The following PCDHA7 variants were observed in gnomAD, a reference collection of about 807,000 sequenced individuals.
PCDHA7 encodes protocadherin alpha-7.
In PCDHA7, 37 loss-of-function variants were observed where a neutral mutation model predicts 57.2. The observed-to-expected ratio is 0.65, with a 90% CI of 0.50 to 0.85. PCDHA7 has a LOEUF of 0.85. Among genes scored for constraint, PCDHA7 ranks in the 40% least tolerant of loss-of-function variants. PCDHA7 has a pLI of 0.00. For missense variants in PCDHA7, 1,188 were observed against 1,241.8 expected, an observed-to-expected ratio of 0.96 and a Z score of 0.65; for synonymous variants, 553 against 558.8, an observed-to-expected ratio of 0.99 and a Z score of 0.15.
Position 140,941,473 on chromosome 5 carries a change from G to A in PCDHA7, c.2356-37476G>A, listed in dbSNP as rs192163900. Among the ~76,000 whole-genome samples, 149 of 151,018 alleles carry A rather than the reference G, an allele frequency of 9.9e-4. 1 individual carries two copies. Among genetic ancestry groups the A allele is most frequent in the African/African-American group, 3.5e-3 (143 of 41,138 alleles). Reference sequence around the variant, plus strand: ...TGGGATTACAGGCGCCCACCACCACGCCTGGCTAATTTTTTGTATTTTTAG... The same window carrying A: ...TGGGATTACAGGCGCCCACCACCACACCTGGCTAATTTTTTGTATTTTTAG... On this transcript the variant is annotated intron_variant, in intron 1 of 3. Coordinates refer to ENST00000525929, the MANE Select transcript of PCDHA7 (RefSeq NM_018910.3).
chr5:140,857,980 G>A (rs2045073152), intron 1 of PCDHA7: 1 of 1,597,100 alleles, frequency 6.3e-7, no homozygotes, highest in Non-Finnish European at 8.6e-7. Context: ...CGCCACGCCA[G>A]CGCCTACTGG....
chr5:140,850,934 T>G (rs2150502964), intron 1 of PCDHA7: 2 of 1,514,156 alleles, frequency 1.3e-6, no homozygotes, highest in African/African-American at 1.4e-5. Flanking sequence ...TTTTTTTTCT[T>G]GAAAGATATT....
At chr5:140,845,856 G>A (rs1378548542) in intron 1 of PCDHA7, among the ~76,000 whole-genome samples, 1 of 149,684 alleles carries the variant, frequency 6.7e-6, no homozygotes, top group Non-Finnish European at 1.5e-5. Flanking sequence ...AGAAGTTAGT[G>A]ATTGCAGAAA....
intron 1 of PCDHA7, chr5:140,870,430 G>A: frequency 6.2e-7 from 1 of 1,614,226 alleles, no homozygotes; most frequent in Non-Finnish European, 8.5e-7. Context: ...GGTATCCGTG[G>A]AGGTGGCCGA....
chr5:141,004,591 A>G (rs1277305361), intron 3 of PCDHA7, among the ~76,000 whole-genome samples: 3 of 152,222 alleles, frequency 2.0e-5, no homozygotes, highest in Non-Finnish European at 2.9e-5. Context: ...TCTCCAGATG[A>G]CAGTGCTTAG....
At position 141,010,421 on chromosome 5, in the gene PCDHA7, A is replaced by T. The variant is rs1486731012; in HGVS notation, c.*484A>T. The T allele has an allele frequency of 8.7e-7, 1 of 1,148,142 alleles. No homozygotes were observed. Among genetic ancestry groups the T allele is most frequent in the Admixed American group, 2.9e-5 (1 of 34,726 alleles). The allele number at this position is 1,148,142 out of a possible 1,614,324, so 71.1% of individuals were successfully genotyped here. A position where few individuals can be genotyped will look rare whatever the true frequency, so the allele number is the denominator to read the frequency against. ...CAGCTTAGACTAATTGGTACAAGGAAGGCAAGAAAACAAAGACAAATAAAC... is the reference window on the plus strand; with the variant it reads ...CAGCTTAGACTAATTGGTACAAGGATGGCAAGAAAACAAAGACAAATAAAC... On this transcript the variant is annotated 3_prime_UTR_variant, in exon 4 of 4. Coordinates refer to ENST00000525929, the MANE Select transcript of PCDHA7 (RefSeq NM_018910.3).
intron 1 of PCDHA7, chr5:140,875,344 A>G: frequency 1.4e-6 from 2 of 1,442,996 alleles, no homozygotes; most frequent in East Asian, 2.5e-5. Context: ...TCGACTCCAT[A>G]ATGACTGTGA....
At position 140,836,283 on chromosome 5, in the gene PCDHA7, A is replaced by T. The variant is rs2150256812; in HGVS notation, c.1900A>T (p.Thr634Ser). 6.2e-7 allele frequency: 1 copy of T among 1,613,716 alleles called. No homozygotes were observed. The highest frequency in any genetic ancestry group is 1.1e-5 in the South Asian group (1 of 91,072). Residue 634 changes from threonine (T) to serine (S), a missense_variant, in exon 1 of 4, where the codon ACA becomes TCA. Physicochemically the swap from Thr to Ser is moderately conservative, Grantham distance 58 (BLOSUM62 1). This residue lies in a region of PCDHA7 where 892 missense variants were observed against 788.5 expected (regional missense o/e 1.13). Coordinates refer to ENST00000525929, the MANE Select transcript of PCDHA7 (RefSeq NM_018910.3). ...GCTGTACACTGGTGAGATCAGCACG[A>T]CACGAGCCCTAGATGAGACGGACGC... The part of the protein sequence containing the change: ...VGLYTGEIST[T>S]RALDETDAPR...
chr5:140,858,889 AT>A (rs2045644235), intron 1 of PCDHA7: 2 of 236,178 alleles, frequency 8.5e-6, no homozygotes, highest in African/African-American at 2.4e-5. Context: ...CATGTGTAGA[AT>A]ATGTGTAGCG....
intron 2 of PCDHA7, among the ~76,000 whole-genome samples, chr5:140,981,701 C>A (rs546149642): frequency 5.3e-5 from 8 of 152,268 alleles, no homozygotes; most frequent in African/African-American, 1.9e-4. Context: ...TTCATTCATT[C>A]ATTCATTCAT....
chr5:140,884,410 G>T, intron 1 of PCDHA7: 1 of 1,614,008 alleles, frequency 6.2e-7, no homozygotes, highest in South Asian at 1.1e-5. Context: ...TGGTGCTCAC[G>T]TTGCTGCTGT....
At chr5:140,948,957 C>G (rs1338643900) in intron 1 of PCDHA7, among the ~76,000 whole-genome samples, 2 of 151,542 alleles carry the variant, frequency 1.3e-5, no homozygotes, top group Admixed American at 1.3e-4. Context: ...AAATTAAAGC[C>G]ACGAATTTAT....
intron 1 of PCDHA7, among the ~76,000 whole-genome samples, chr5:140,885,388 A>G (rs1187514037): frequency 2.0e-5 from 3 of 152,166 alleles, no homozygotes; most frequent in Admixed American, 2.0e-4. Context: ...CAGTCCCTGC[A>G]AATCTAATGG....
At chr5:140,907,720 C>T (rs1554193113) in intron 1 of PCDHA7, among the ~76,000 whole-genome samples, 1 of 152,208 alleles carries the variant, frequency 6.6e-6, no homozygotes, top group Non-Finnish European at 1.5e-5. Context: ...CATGTGTAAC[C>T]TCCATCCCTG....
At chr5:140,964,107 G>A (rs1298844061) in intron 1 of PCDHA7, among the ~76,000 whole-genome samples, 1 of 152,090 alleles carries the variant, frequency 6.6e-6, no homozygotes, top group Non-Finnish European at 1.5e-5. Flanking sequence ...AACAGTCTGA[G>A]CAATCACATT....
At chr5:140,849,947 G>C in intron 1 of PCDHA7, 1 of 1,597,838 alleles carries the variant, frequency 6.3e-7, no homozygotes, top group East Asian at 2.2e-5. Context: ...ACGCTGACGC[G>C]CAGGAGAACG....
Position 140,836,765 on chromosome 5 carries a change from A to T in PCDHA7, c.2355+27A>T, listed in dbSNP as rs200916074. ...TGAGTCATAAATAATCTTGTTTCCA[A>T]CAATTTTAAAACAATTAGTTCAATT... On this transcript the variant is annotated intron_variant, in intron 1 of 3. Coordinates refer to ENST00000525929, the MANE Select transcript of PCDHA7 (RefSeq NM_018910.3). 7.0e-6 allele frequency: 11 copies of T among 1,563,040 alleles called. No individual in the cohort carries two copies. The East Asian group carries it at 9.0e-5, about 13-fold the overall frequency.
At chr5:140,843,820 T>A in intron 1 of PCDHA7, 1 of 1,210,794 alleles carries the variant, frequency 8.3e-7, no homozygotes, top group South Asian at 1.5e-5. Flanking sequence ...TAGTGAAAAT[T>A]TAAACATTGT....
chr5:140,867,187 G>C (rs1219646479), intron 1 of PCDHA7: 1 of 152,072 alleles, frequency 6.6e-6, no homozygotes, highest in Non-Finnish European at 1.5e-5. Context: ...TACCTCGCAA[G>C]ACTCCACATT....
Sources: gnomAD v4.1 joint callset for allele counts (sites outside exome capture counted in the v4.1 genomes callset) on GRCh38, gnomAD v4.1.1 for gene constraint, gnomAD v4.1.1 regional missense constraint, MANE v1.5 for transcripts, NCBI Gene and HGNC (gene_info 2026-07-23, HGNC 2026-07-21) for gene names.